Variants in ST6GAL2 observed in about 807,000 individuals in gnomAD.
ST6GAL2 encodes ST6 beta-galactoside alpha-2,6-sialyltransferase 2.
A neutral mutation model predicts 37.5 loss-of-function variants in ST6GAL2; 24 were observed. The observed-to-expected ratio is 0.64, with a 90% CI of 0.46 to 0.90. The LOEUF is 0.90. ST6GAL2 is among the 40% of genes least tolerant of loss of function. The pLI, the probability that ST6GAL2 is intolerant of heterozygous loss-of-function variation, is 0.00. For missense variants in ST6GAL2, 715 were observed against 712.7 expected, an observed-to-expected ratio of 1.00 and a Z score of -0.04; for synonymous variants, 306 against 295.1, an observed-to-expected ratio of 1.04 and a Z score of -0.38.
In ST6GAL2 at chr2:106,878,869, G is replaced by C. The variant is rs143147144; in HGVS notation, c.-58+7224C>G. Reference sequence around the variant, plus strand: ...CACCTCTCATTTTCAACACAGTGTGGTAAGAACAAGATTGAGCTAATTCGG... The same window carrying C: ...CACCTCTCATTTTCAACACAGTGTGCTAAGAACAAGATTGAGCTAATTCGG... On this transcript the variant is annotated intron_variant, in intron 1 of 5. Coordinates refer to ENST00000409382, the MANE Select transcript of ST6GAL2 (RefSeq NM_001142351.2). 9.7e-4 allele frequency among the ~76,000 whole-genome samples: 148 copies of C among 152,254 alleles called. 2 individuals are homozygous for C. The East Asian group carries it at 0.025, about 26-fold the overall frequency.
intron 4 of ST6GAL2, among the ~76,000 whole-genome samples, chr2:106,830,857 C>T (rs1195978728): frequency 6.6e-6 from 1 of 152,086 alleles, no homozygotes; most frequent in Non-Finnish European, 1.5e-5. Context: ...GGAAATATTC[C>T]AGTTTTTCAT....
In ST6GAL2 at chr2:106,830,111, T is replaced by G; in HGVS notation, c.1273A>C (p.Thr425Pro). 2 of 1,614,112 alleles carry G rather than the reference T, an allele frequency of 1.2e-6. No individual in the cohort carries two copies. The highest frequency in any genetic ancestry group is 1.7e-6 in the Non-Finnish European group (2 of 1,180,010). ...WQLWDIIQEN[T>P]KEKIQPNPPS... ...GGGTTTGGTTGAATCTTCTCTTTAG[T>G]GTTCTCCTGGATAATATCCCAGAGC... The change falls in exon 5 of 6, where the codon ACT becomes CCT. Residue 425 changes from threonine (T) to proline (P), a missense_variant. Physicochemically the swap from Thr to Pro is conservative, Grantham distance 38 (BLOSUM62 -1). Transcript: ENST00000409382.
At chr2:106,880,706 C>T (rs1678714528) in intron 1 of ST6GAL2, among the ~76,000 whole-genome samples, 1 of 152,164 alleles carries the variant, frequency 6.6e-6, no homozygotes, top group South Asian at 2.1e-4. Context: ...ATAAAATTTT[C>T]CCAGAGATAA....
rs940168599 is a variant in ST6GAL2, at chr2:106,843,188, G to T, written c.790C>A (p.Leu264Met). The stretch of plus-strand genomic sequence containing the variant: ...GAAAAGGGCGCCTCGGTGCCGTCCA[G>T]CGTCCGCACGCGCGCGCGGCTCCGC... ...QLRSRARVRTLDGTEAPFSAL... is the reference protein window; with the variant it reads ...QLRSRARVRTMDGTEAPFSAL... The change falls in exon 2 of 6, where the codon CTG becomes ATG. Residue 264 changes from leucine to methionine, a missense_variant. By Grantham distance (15) the Leu-to-Met change is conservative. Around this residue, in one of 3 missense-constraint regions of ST6GAL2, gnomAD observed 512 missense variants for 488.8 expected, o/e 1.05. Transcript: ENST00000409382. 3.2e-6 allele frequency: 5 copies of T among 1,547,214 alleles called. No individual in the cohort carries two copies. The highest frequency in any genetic ancestry group is 3.5e-6 in the Non-Finnish European group (4 of 1,147,048).
At chr2:106,817,632 C>T (rs10174689) in intron 5 of ST6GAL2, among the ~76,000 whole-genome samples, 19,066 of 152,154 alleles carry the variant, frequency 0.13, 1,748 homozygotes, top group East Asian at 0.49. Context: ...TCAGGTGACA[C>T]TCAGCATTTT....
At chr2:106,818,650 CAAT>C (rs2104435222) in intron 5 of ST6GAL2, among the ~76,000 whole-genome samples, 1 of 152,208 alleles carries the variant, frequency 6.6e-6, no homozygotes, top group South Asian at 2.1e-4. Flanking sequence ...GTGAAGACTA[CAAT>C]AATACCTAAC....
intron 1 of ST6GAL2, among the ~76,000 whole-genome samples, chr2:106,883,182 T>C (rs1678822460): frequency 6.6e-6 from 1 of 152,186 alleles, no homozygotes; most frequent in Non-Finnish European, 1.5e-5. Context: ...GAATTGCAAC[T>C]GTTCCCCTAT....
intron 1 of ST6GAL2, among the ~76,000 whole-genome samples, chr2:106,875,566 A>G (rs756425769): frequency 1.3e-5 from 2 of 152,238 alleles, no homozygotes; most frequent in Non-Finnish European, 2.9e-5. Flanking sequence ...CTCCAAGTAC[A>G]GACCAGCAAC....
chr2:106,867,223 A>G (rs1440575902), intron 1 of ST6GAL2, among the ~76,000 whole-genome samples: 1 of 152,180 alleles, frequency 6.6e-6, no homozygotes, highest in East Asian at 1.9e-4. Context: ...ACGTGGAAGC[A>G]TCAGAGTCAG....
At chr2:106,858,118 A>C (rs764248869) in intron 1 of ST6GAL2, among the ~76,000 whole-genome samples, 2 of 152,218 alleles carry the variant, frequency 1.3e-5, no homozygotes, top group Admixed American at 6.5e-5. Flanking sequence ...ATATGTGTGC[A>C]TGTGTACACA....
At chr2:106,885,910 A>G (rs1055698836) in intron 1 of ST6GAL2, 183 bp downstream of exon 1, 2 of 152,284 alleles carry the variant, frequency 1.3e-5, no homozygotes, top group Admixed American at 1.3e-4. Flanking sequence ...CCCGTCCCCA[A>G]AGCGCAAGCC....
At chr2:106,824,833 C>T (rs1676142166) in intron 5 of ST6GAL2, 1 of 152,190 alleles carries the variant, frequency 6.6e-6, no homozygotes, top group Non-Finnish European at 1.5e-5. Context: ...ATTCAAGATT[C>T]CTGTGTCCTC....
At chr2:106,856,105 G>A (rs1370501000) in intron 1 of ST6GAL2, among the ~76,000 whole-genome samples, 1 of 152,196 alleles carries the variant, frequency 6.6e-6, no homozygotes, top group African/African-American at 2.4e-5. Context: ...ACCTCACAGA[G>A]TTGTCATAGA....
At chr2:106,872,307 G>C (rs1246943891) in intron 1 of ST6GAL2, among the ~76,000 whole-genome samples, 2 of 152,190 alleles carry the variant, frequency 1.3e-5, no homozygotes, top group African/African-American at 2.4e-5. Context: ...CATGAGTCCA[G>C]GGCCAAACCT....
intron 1 of ST6GAL2, among the ~76,000 whole-genome samples, chr2:106,883,839 T>C (rs1211846781): frequency 6.6e-6 from 1 of 152,186 alleles, no homozygotes; most frequent in African/African-American, 2.4e-5. Flanking sequence ...GCATAAGATA[T>C]TTTTATTCAA....
intron 5 of ST6GAL2, chr2:106,813,205 G>A: frequency 7.3e-7 from 1 of 1,369,700 alleles, no homozygotes; most frequent in Admixed American, 3.3e-5. Flanking sequence ...CTCTGATATG[G>A]CCAATTTTTA....
rs144935783 is a variant in ST6GAL2 at position 106,830,191 on chromosome 2, C to T, written c.1193G>A (p.Arg398His). 1.6e-5 allele frequency: 26 copies of T among 1,613,464 alleles called. No homozygotes were observed. The highest frequency in any genetic ancestry group is 6.7e-5 in the African/African-American group (5 of 74,848). ...YNLFTPYIQHRQRNPNQPFYI... is the reference protein window; with the variant it reads ...YNLFTPYIQHHQRNPNQPFYI... ...AAATGGCTGATTTGGGTTTCTCTGA[C>T]GATGCTGAATATATGGAGTGAACAG... The change falls in exon 5 of 6, where the codon CGT becomes CAT. Residue 398 changes from arginine to histidine, a missense_variant. By Grantham distance (29) the Arg-to-His change is conservative. Coordinates refer to ENST00000409382, the MANE Select transcript of ST6GAL2 (RefSeq NM_001142351.2).
intron 1 of ST6GAL2, chr2:106,885,829 T>G (rs1052984585): frequency 6.6e-6 from 1 of 151,922 alleles, no homozygotes; most frequent in African/African-American, 2.4e-5. Context: ...AAATCTTCAC[T>G]CCCTTCCAGA....
At chr2:106,860,444 G>T (rs1677751451) in intron 1 of ST6GAL2, among the ~76,000 whole-genome samples, 1 of 152,148 alleles carries the variant, frequency 6.6e-6, no homozygotes, top group African/African-American at 2.4e-5. Flanking sequence ...TCTTTTGCAG[G>T]CAGAAAAATT....
Sources: allele counts gnomAD v4.1 joint callset (sites outside exome capture counted in the v4.1 genomes callset), GRCh38; gene constraint gnomAD v4.1.1; regional missense constraint gnomAD v4.1.1; transcripts MANE v1.5; gene names NCBI Gene and HGNC (gene_info 2026-07-23, HGNC 2026-07-21).